The following ITIH1 variants were observed in gnomAD, a reference collection of about 807,000 sequenced individuals.
The protein encoded by ITIH1 is inter-alpha-trypsin inhibitor heavy chain 1, also known as inter-alpha-trypsin inhibitor heavy chain H1.
A neutral mutation model predicts 104.6 loss-of-function variants in ITIH1; 94 were observed. The ratio of observed to expected loss-of-function variants is 0.90; its 90% CI spans 0.76 to 1.07. The LOEUF is 1.07. Among genes scored for constraint, ITIH1 ranks in the 50% least tolerant of loss-of-function variants. ITIH1 has a pLI of 0.00. For synonymous variants in ITIH1, 455 were observed against 464.4 expected (o/e 0.98, Z 0.26); for missense variants, 1,193 against 1,181.4 (o/e 1.01, Z -0.14).
rs1302072050 is a variant in ITIH1, at chr3:52,786,805, C to T, written c.1734-140C>T. The T allele has an allele frequency of 5.1e-6, 5 of 980,326 alleles. No homozygotes were observed. The Admixed American group carries it at 1.4e-4, about 28-fold the overall frequency. 60.7% of individuals were successfully genotyped at this position (980,326 alleles called of 1,614,324 possible). ...GAGGCCCCTGAGGATGTAGCCACTGCATAGGACACCATGGGGGCTTAATAC... is the reference window on the plus strand; with the variant it reads ...GAGGCCCCTGAGGATGTAGCCACTGTATAGGACACCATGGGGGCTTAATAC... On this transcript the variant is annotated intron_variant, in intron 13 of 21. Transcript: ENST00000273283.
At chr3:52,781,385 C>T (rs542146304) in intron 6 of ITIH1, among the ~76,000 whole-genome samples, 1 of 151,558 alleles carries the variant, frequency 6.6e-6, no homozygotes, top group East Asian at 1.9e-4. Context: ...CTTCCTTTTG[C>T]TTCTGCTTCT....
At chr3:52,780,230 T>A in intron 5 of ITIH1, 39 bp from the exon 6 acceptor site, 1 of 1,495,412 alleles carries the variant, frequency 6.7e-7, no homozygotes, top group Non-Finnish European at 9.2e-7. Flanking sequence ...CAAGATCCCA[T>A]CTTTTTTTTT....
rs778965130 is a variant in ITIH1, at chr3:52,791,854, T to C, written c.2679T>C (p.Asn893=). 5.6e-6 allele frequency: 9 copies of C among 1,614,170 alleles called. No individual in the cohort carries two copies. In the South Asian group the frequency reaches 9.9e-5, roughly 18 times the overall value. ...TGTCCTGCTGGTTCATTCACAACAA[T>C]GGGGCTGGACTCATCGATGGTGCCT... is the stretch of plus-strand genomic sequence containing the variant. The part of the protein sequence containing the change: ...AEVSCWFIHN[N]GAGLIDGAYT... The change falls in exon 22 of 22, where the codon AAT becomes AAC. Residue 893 remains asparagine, a synonymous_variant. Coordinates refer to ENST00000273283, the MANE Select transcript of ITIH1 (RefSeq NM_002215.4).
Position 52,782,992 on chromosome 3 carries a change from G to A in ITIH1, c.966G>A (p.Met322Ile). The A allele has an allele frequency of 6.2e-7, 1 of 1,614,102 alleles. No homozygotes were observed. Among genetic ancestry groups the A allele is most frequent in the Non-Finnish European group, 8.5e-7 (1 of 1,179,992 alleles). ...KEALLKILGD[M>I]QPGDYFDLVL... Reference sequence around the variant, plus strand: ...CACTCCTTAAAATTCTGGGGGACATGCAGCCAGGGGACTACTTTGACCTGG... The same window carrying A: ...CACTCCTTAAAATTCTGGGGGACATACAGCCAGGGGACTACTTTGACCTGG... Residue 322 changes from methionine (M) to isoleucine (I), a missense_variant, in exon 9 of 22, where the codon ATG becomes ATA. Physicochemically the swap from Met to Ile is conservative, Grantham distance 10. Coordinates refer to ENST00000273283, the MANE Select transcript of ITIH1 (RefSeq NM_002215.4).
chr3:52,778,287 C>T, intron 2 of ITIH1, 53 bp from the exon 3 acceptor site: 1 of 1,576,864 alleles, frequency 6.3e-7, no homozygotes, highest in Non-Finnish European at 8.7e-7. Context: ...CAGGAAGTCC[C>T]TCGCTGACAG....
intron 15 of ITIH1, 22 bp downstream of exon 15, chr3:52,787,224 T>C: frequency 6.2e-7 from 1 of 1,613,702 alleles, no homozygotes; most frequent in Non-Finnish European, 8.5e-7. Flanking sequence ...ATTGCATTAG[T>C]TTCAGTTCTG....
Position 52,791,121 on chromosome 3 carries a change from G to T in ITIH1, c.2494+200G>T, listed in dbSNP as rs568596986. Among the ~76,000 whole-genome samples, 3 of 152,300 alleles carry T rather than the reference G, an allele frequency of 2.0e-5. No individual in the cohort carries two copies. The South Asian group carries it at 6.2e-4, about 32-fold the overall frequency. ...CACACAGTGAAACAAACGCTTAAGC[G>T]AGCCTGGGAGCAAGTGAGGGGCAGA... is the stretch of plus-strand genomic sequence containing the variant. On this transcript the variant is annotated intron_variant, in intron 20 of 21. Coordinates refer to ENST00000273283, the MANE Select transcript of ITIH1 (RefSeq NM_002215.4).
chr3:52,791,503 A>G lies in ITIH1; in HGVS notation c.2495-14A>G, dbSNP rs1215354622. On this transcript the variant is annotated splice_polypyrimidine_tract_variant and intron_variant, in intron 20 of 21. Transcript: ENST00000273283. The stretch of plus-strand genomic sequence containing the variant: ...CCCGAGATGGTAACCGCTGTCTCCA[A>G]TGTGCCTTTCTAGGGCAATTTTTCC... 1.9e-6 allele frequency: 3 copies of G among 1,606,570 alleles called. No homozygotes were observed. The highest frequency in any genetic ancestry group is 2.2e-5 in the East Asian group (1 of 44,840).
intron 6 of ITIH1, among the ~76,000 whole-genome samples, chr3:52,781,496 T>G (rs1163013316): frequency 6.6e-6 from 1 of 152,076 alleles, no homozygotes; most frequent in Non-Finnish European, 1.5e-5. Flanking sequence ...AAACCATCAC[T>G]AGCTTCCCCA....
In ITIH1 at chr3:52,780,370, C is replaced by T. The variant is rs1278940773; in HGVS notation, c.675C>T (p.Phe225=). 6.2e-7 allele frequency: 1 copy of T among 1,613,068 alleles called. No homozygotes were observed. The highest frequency in any genetic ancestry group is 1.7e-5 in the Admixed American group (1 of 59,930). The change falls in exon 6 of 22, where the codon TTC becomes TTT. Residue 225 remains phenylalanine, a synonymous_variant. Coordinates refer to ENST00000273283, the MANE Select transcript of ITIH1 (RefSeq NM_002215.4). ...ELAAQTIKKS[F]SGKKGHVLFR... Reference sequence around the variant, plus strand: ...CAGCCCAAACTATCAAGAAGTCCTTCTCAGGAAAAAAGGTACATGGGATAG... The same window carrying T: ...CAGCCCAAACTATCAAGAAGTCCTTTTCAGGAAAAAAGGTACATGGGATAG...
intron 20 of ITIH1, 107 bp from the exon 21 acceptor site, chr3:52,791,410 A>G (rs938363273): frequency 2.5e-6 from 2 of 810,522 alleles, no homozygotes; most frequent in African/African-American, 3.4e-5. Context: ...AAGCCCTGGA[A>G]AAAAAGCGGT....
chr3:52,787,362 G>A (rs537252050), intron 15 of ITIH1, among the ~76,000 whole-genome samples, 160 bp downstream of exon 15: 7 of 151,988 alleles, frequency 4.6e-5, no homozygotes, highest in African/African-American at 9.7e-5. Context: ...ACATCACCGC[G>A]AACTCCCTGC....
intron 2 of ITIH1, 100 bp from the exon 3 acceptor site, chr3:52,778,240 A>G (rs1698951250): frequency 1.6e-6 from 2 of 1,259,694 alleles, no homozygotes; most frequent in African/African-American, 1.5e-5. Context: ...GCATCTGGGC[A>G]CCATGCACTG....
chr3:52,783,665 G>C (rs1699122931), intron 10 of ITIH1, among the ~76,000 whole-genome samples: 1 of 152,076 alleles, frequency 6.6e-6, no homozygotes, highest in South Asian at 2.1e-4. Context: ...CTAAGCAAGG[G>C]GCTAGGGACT....
intron 6 of ITIH1, 102 bp from the exon 7 acceptor site, chr3:52,781,836 CAA>C: frequency 1.4e-6 from 2 of 1,426,992 alleles, no homozygotes; most frequent in South Asian, 1.3e-5. Context: ...TCTGTCCGTG[CAA>C]ACACACACAC....
chr3:52,787,790 G>T, intron 16 of ITIH1, 178 bp downstream of exon 16: 1 of 911,222 alleles, frequency 1.1e-6, no homozygotes, highest in Non-Finnish European at 1.8e-6. Context: ...CAGAGAGGGG[G>T]CCAGCTAAAC....
intron 18 of ITIH1, 63 bp from the exon 19 acceptor site, chr3:52,789,590 A>C: frequency 2.7e-6 from 4 of 1,455,922 alleles, no homozygotes; most frequent in Non-Finnish European, 3.8e-6. Flanking sequence ...AGGAGGCATG[A>C]TCCTGCTAAG....
At chr3:52,785,612 T>C (rs983565509) in intron 12 of ITIH1, among the ~76,000 whole-genome samples, 15 of 152,246 alleles carry the variant, frequency 9.9e-5, no homozygotes, top group African/African-American at 3.4e-4. Flanking sequence ...TGCATGTATG[T>C]GCACCTGTGT....
At chr3:52,787,124 A>T (rs369273411) in intron 14 of ITIH1, 25 bp downstream of exon 14, 1 of 1,614,192 alleles carries the variant, frequency 6.2e-7, no homozygotes, top group South Asian at 1.1e-5. Context: ...GGTCTACAGA[A>T]GGGAGAGGCC....
Sources: allele counts gnomAD v4.1 joint callset (sites outside exome capture counted in the v4.1 genomes callset), GRCh38; gene constraint gnomAD v4.1.1; transcripts MANE v1.5; gene names NCBI Gene and HGNC (gene_info 2026-07-23, HGNC 2026-07-21).